The following SLC1A4 variants were observed in gnomAD, a reference collection of about 807,000 sequenced individuals.
SLC1A4 encodes the protein solute carrier family 1 member 4.
Under a neutral mutation model 37.7 loss-of-function variants are expected in SLC1A4, and 19 were observed. The observed-to-expected ratio is 0.50, with a 90% CI of 0.35 to 0.74. The LOEUF is 0.74. Among genes scored for constraint, SLC1A4 ranks in the 30% least tolerant of loss-of-function variants. The pLI is 0.01. For synonymous variants in SLC1A4, 299 were observed against 309.8 expected (o/e 0.97, Z 0.37); for missense variants, 570 against 712.9 (o/e 0.80, Z 2.28).
At chr2:64,998,257 A>G (rs1263439690) in intron 1 of SLC1A4, among the ~76,000 whole-genome samples, 1 of 149,266 alleles carries the variant, frequency 6.7e-6, no homozygotes, top group Non-Finnish European at 1.5e-5. Flanking sequence ...ATAAATAAAT[A>G]AATAAATAAA....
Position 65,022,731 on chromosome 2 carries a change from C to G in SLC1A4, c.*1585C>G, listed in dbSNP as rs1572977290. Reference sequence around the variant, plus strand: ...CCTTCAAGTTTTCATGAACTAGCAACCCCACCTTCCACCATGGTTCTGGGC... The same window carrying G: ...CCTTCAAGTTTTCATGAACTAGCAAGCCCACCTTCCACCATGGTTCTGGGC... On this transcript the variant is annotated 3_prime_UTR_variant, in exon 8 of 8. Coordinates refer to ENST00000234256, the MANE Select transcript of SLC1A4 (RefSeq NM_003038.5). The G allele has an allele frequency of 6.6e-6, 1 of 152,368 alleles. No individual in the cohort carries two copies. The highest frequency in any genetic ancestry group is 2.1e-4 in the South Asian group (1 of 4,826). 9.4% of individuals were successfully genotyped at this position (152,368 alleles called of 1,614,324 possible).
Position 65,001,430 on chromosome 2 carries a change from T to A in SLC1A4, c.528-18T>A, listed in dbSNP as rs746145907. 3.7e-6 allele frequency: 6 copies of A among 1,612,594 alleles called. No individual in the cohort carries two copies. In the East Asian group the frequency reaches 1.1e-4, roughly 30 times the overall value. On this transcript the variant is annotated intron_variant, in intron 1 of 7. Transcript: ENST00000234256. ...TTGTTTTAAAAGAATACTGACAGAA[T>A]GCTTTCTTTTCCAACAGAAACCTGT...
intron 1 of SLC1A4, among the ~76,000 whole-genome samples, chr2:64,996,072 T>G (rs1278728423): frequency 6.6e-6 from 1 of 152,110 alleles, no homozygotes; most frequent in African/African-American, 2.4e-5. Flanking sequence ...ATTCATTATC[T>G]CCTGGCTTGG....
At chr2:64,988,602 G>T (rs547209654), upstream of SLC1A4, 1 of 152,472 alleles carries the variant, frequency 6.6e-6, no homozygotes, top group Admixed American at 6.5e-5. Flanking sequence ...GTGGCACAGC[G>T]AGCCCCCTTT....
At chr2:65,003,012 T>G (rs1030001625) in intron 2 of SLC1A4, among the ~76,000 whole-genome samples, 4 of 152,158 alleles carry the variant, frequency 2.6e-5, no homozygotes, top group Non-Finnish European at 5.9e-5. Context: ...TTTTTTGATC[T>G]GCATATAAGC....
chr2:65,018,780 C>A lies in SLC1A4; in HGVS notation c.1364+101C>A. 7.2e-7 allele frequency: 1 copy of A among 1,389,340 alleles called. No homozygotes were observed. Among genetic ancestry groups the A allele is most frequent in the Non-Finnish European group, 9.9e-7 (1 of 1,012,904 alleles). 86.1% of individuals were successfully genotyped at this position (1,389,340 alleles called of 1,614,324 possible). On this transcript the variant is annotated intron_variant, in intron 7 of 7. Coordinates refer to ENST00000234256, the MANE Select transcript of SLC1A4 (RefSeq NM_003038.5). This position sits in a 1 kb window ranked among gnomAD's most constrained non-coding sequence, Gnocchi z 4.3. ...GCCATGCAGAGAAACTTCAGACACA[C>A]TCCAGCCTTGTGAAGGAGGCTACAG...
Position 65,018,135 on chromosome 2 carries a change from A to T in SLC1A4, c.1099A>T (p.Ser367Cys). 6.2e-7 allele frequency: 1 copy of T among 1,614,218 alleles called. No individual in the cohort carries two copies. Among genetic ancestry groups the T allele is most frequent in the Non-Finnish European group, 8.5e-7 (1 of 1,180,038 alleles). The change falls in exon 6 of 8, where the codon AGC becomes TGC. Residue 367 changes from serine (S) to cysteine (C), a missense_variant. Transcript: ENST00000234256. This position sits in a 1 kb window ranked among gnomAD's most constrained non-coding sequence, Gnocchi z 4.3. ...EENNGVDKRI[S>C]RFILPIGATV... Reference sequence around the variant, plus strand: ...GAACAATGGTGTGGACAAGAGGATCAGCAGGTTTATTCTCCCCATCGGGGC... The same window carrying T: ...GAACAATGGTGTGGACAAGAGGATCTGCAGGTTTATTCTCCCCATCGGGGC...
Position 65,018,003 on chromosome 2 carries a change from A to G in SLC1A4, c.1035-68A>G. 7.0e-7 allele frequency: 1 copy of G among 1,424,374 alleles called. No individual in the cohort carries two copies. 88.2% of individuals were successfully genotyped at this position (1,424,374 alleles called of 1,614,324 possible). A position where few individuals can be genotyped will look rare whatever the true frequency, so the allele number is the denominator to read the frequency against. On this transcript the variant is annotated intron_variant, in intron 5 of 7. Transcript: ENST00000234256. The surrounding 1 kb of genome is among the most constrained non-coding windows in gnomAD (Gnocchi z 4.3). Reference sequence around the variant, plus strand: ...GCTAATTGCTCTGTTCTGGGGTCTGAGACAAGACACATGTTAGCCTGCCTC... The same window carrying G: ...GCTAATTGCTCTGTTCTGGGGTCTGGGACAAGACACATGTTAGCCTGCCTC...
intron 1 of SLC1A4, among the ~76,000 whole-genome samples, chr2:64,993,444 T>A (rs139297348): frequency 2.6e-5 from 4 of 152,300 alleles, no homozygotes; most frequent in Non-Finnish European, 5.9e-5. Context: ...AATAACAATG[T>A]AGAATAGAGA....
intron 1 of SLC1A4, among the ~76,000 whole-genome samples, chr2:64,991,895 CTGG>C (rs1673076107): frequency 6.6e-6 from 1 of 152,148 alleles, no homozygotes; most frequent in Non-Finnish European, 1.5e-5. Flanking sequence ...GCCACCCTGC[CTGG>C]CCCCAGCTAA....
chr2:65,002,923 A>G (rs529548361), intron 2 of SLC1A4, among the ~76,000 whole-genome samples: 10 of 152,094 alleles, frequency 6.6e-5, no homozygotes, highest in African/African-American at 9.7e-5. Context: ...GGCCTAGATT[A>G]TATGGTCTAA....
Position 65,016,599 on chromosome 2 carries a change from C to T in SLC1A4, c.960C>T (p.Phe320=). ...GIVLPLIYFV[F]TRKNPFRFLL... ...TTCTGCCACTTATTTATTTTGTTTT[C>T]ACACGAAAAAACCCATTCAGATTCC... The change falls in exon 5 of 8, where the codon TTC becomes TTT. Residue 320 remains phenylalanine, a synonymous_variant. Transcript: ENST00000234256. The T allele has an allele frequency of 6.2e-7, 1 of 1,614,126 alleles. No individual in the cohort carries two copies.
intron 4 of SLC1A4, among the ~76,000 whole-genome samples, chr2:65,014,228 A>T (rs765942735): frequency 5.3e-5 from 8 of 152,194 alleles, no homozygotes; most frequent in Non-Finnish European, 1.0e-4. Flanking sequence ...CTAAAAATTG[A>T]TATATATATT....
intron 3 of SLC1A4, among the ~76,000 whole-genome samples, chr2:65,005,065 T>G (rs1168782553): frequency 2.6e-5 from 4 of 152,242 alleles, no homozygotes; most frequent in African/African-American, 9.6e-5. Flanking sequence ...CCACTTGATA[T>G]TCTTGGAAAA....
chr2:64,990,930 G>A (rs1673025801), intron 1 of SLC1A4, among the ~76,000 whole-genome samples: 1 of 152,170 alleles, frequency 6.6e-6, no homozygotes, highest in African/African-American at 2.4e-5. Flanking sequence ...CCTTTGAGAT[G>A]ATGTAGTATC....
At chr2:65,012,381 G>A (rs558016893) in intron 4 of SLC1A4, among the ~76,000 whole-genome samples, 5 of 152,244 alleles carry the variant, frequency 3.3e-5, no homozygotes, top group Non-Finnish European at 4.4e-5. Flanking sequence ...GAGCCACCGC[G>A]CCCAGCCTAC....
intron 1 of SLC1A4, among the ~76,000 whole-genome samples, chr2:64,993,379 A>T (rs1272085218): frequency 6.6e-6 from 1 of 152,220 alleles, no homozygotes; most frequent in Admixed American, 6.5e-5. Context: ...TGTTTTTTTA[A>T]AATTCAGAAT....
At chr2:65,001,763 T>C (rs545351405) in intron 2 of SLC1A4, among the ~76,000 whole-genome samples, 1 of 152,314 alleles carries the variant, frequency 6.6e-6, no homozygotes, top group African/African-American at 2.4e-5. Flanking sequence ...AAATCACATT[T>C]TGGGGATGTC....
chr2:65,007,284 GTGTGTC>G (rs375627191), intron 3 of SLC1A4, among the ~76,000 whole-genome samples: 4,001 of 143,304 alleles, frequency 0.028, 75 homozygotes, highest in Non-Finnish European at 0.045. Context: ...GTGTGTGTGT[GTGTGTC>G]TGTGGTGATG....
Sources: gnomAD v4.1 joint callset for allele counts (sites outside exome capture counted in the v4.1 genomes callset) on GRCh38, gnomAD v4.1.1 for gene constraint, Gnocchi (gnomAD v3.1) non-coding constraint, MANE v1.5 for transcripts, NCBI Gene and HGNC (gene_info 2026-07-23, HGNC 2026-07-21) for gene names.